SLC4A10: variants seen among roughly 807,000 people sequenced by gnomAD.
SLC4A10 encodes the protein solute carrier family 4 member 10, also known as sodium-driven chloride bicarbonate exchanger.
Under a neutral mutation model 137.7 loss-of-function variants are expected in SLC4A10, and 42 were observed. The observed-to-expected ratio is 0.30, with a 90% CI of 0.24 to 0.39. The LOEUF (loss-of-function observed/expected upper bound fraction) is 0.39, where lower values mean the gene tolerates loss of function less well. Among genes scored for constraint, SLC4A10 ranks in the 10% least tolerant of loss-of-function variants. The pLI, the probability that SLC4A10 is intolerant of heterozygous loss-of-function variation, is 1.00. For synonymous variants in SLC4A10, 474 were observed against 464.1 expected (o/e 1.02, Z -0.27); for missense variants, 925 against 1,355.0 (o/e 0.68, Z 4.98).
intron 3 of SLC4A10, among the ~76,000 whole-genome samples, chr2:161,831,570 A>G (rs2058437803): frequency 6.6e-6 from 1 of 152,092 alleles, no homozygotes; most frequent in Non-Finnish European, 1.5e-5. Flanking sequence ...TTTTCTGGCT[A>G]GACTAATAGT....
intron 15 of SLC4A10, among the ~76,000 whole-genome samples, chr2:161,924,813 T>A (rs943057080): frequency 6.6e-6 from 1 of 152,174 alleles, no homozygotes; most frequent in African/African-American, 2.4e-5. Context: ...TTGTATTCAC[T>A]AACACAGTAT....
At chr2:161,972,464 A>G (rs1698708205) in intron 23 of SLC4A10, among the ~76,000 whole-genome samples, 1 of 152,200 alleles carries the variant, frequency 6.6e-6, no homozygotes, top group Non-Finnish European at 1.5e-5. Flanking sequence ...TGCTTGAATG[A>G]GTAATTTCAA....
chr2:161,716,733 G>A (rs1484892052), intron 1 of SLC4A10, among the ~76,000 whole-genome samples: 1 of 152,156 alleles, frequency 6.6e-6, no homozygotes, highest in Non-Finnish European at 1.5e-5. Context: ...TTGAAGTTGG[G>A]TAGGGTGATG....
At chr2:161,627,397 C>T (rs2105376408) in intron 1 of SLC4A10, among the ~76,000 whole-genome samples, 1 of 151,836 alleles carries the variant, frequency 6.6e-6, no homozygotes, top group East Asian at 1.9e-4. Flanking sequence ...GCATTAAAAG[C>T]CAAGATTAGA....
intron 1 of SLC4A10, among the ~76,000 whole-genome samples, chr2:161,703,078 G>A (rs963219227): frequency 7.3e-5 from 11 of 151,688 alleles, no homozygotes; most frequent in African/African-American, 2.7e-4. Context: ...ATTGGAGACT[G>A]TAAATAGATA....
At chr2:161,735,239 C>T (rs537906443) in intron 1 of SLC4A10, among the ~76,000 whole-genome samples, 1 of 150,458 alleles carries the variant, frequency 6.6e-6, no homozygotes, top group South Asian at 2.1e-4. Context: ...TAATTTTGAA[C>T]TGTTTTATAT....
chr2:161,950,768 G>A lies in SLC4A10; in HGVS notation c.2461G>A (p.Ala821Thr), dbSNP rs1434028625. The A allele has an allele frequency of 1.2e-6, 2 of 1,600,288 alleles. No homozygotes were observed. The highest frequency in any genetic ancestry group is 1.7e-6 in the Non-Finnish European group (2 of 1,172,642). Residue 821 changes from alanine to threonine, a missense_variant, in exon 19 of 27, where the codon GCT becomes ACT. Ala to Thr is a moderately conservative substitution (Grantham distance 58). Transcript: ENST00000446997. The part of the protein sequence containing the change: ...WWTVIAAIIP[A>T]LLCTILIFMD... ...GACAGTAATAGCTGCTATAATTCCA[G>A]CTCTGCTTTGTACTATTCTAATTTT...
chr2:161,827,070 C>T (rs1388890227), intron 3 of SLC4A10, among the ~76,000 whole-genome samples: 3 of 152,134 alleles, frequency 2.0e-5, no homozygotes, highest in African/African-American at 7.2e-5. Context: ...GAAAGGTGTT[C>T]ATTAAATGTT....
chr2:161,748,982 A>C (rs1187206289), intron 1 of SLC4A10, among the ~76,000 whole-genome samples: 1 of 151,958 alleles, frequency 6.6e-6, no homozygotes, highest in East Asian at 1.9e-4. Context: ...TTCAGTGTAC[A>C]GATCTTTTAG....
At chr2:161,683,264 G>A (rs1230799786) in intron 1 of SLC4A10, among the ~76,000 whole-genome samples, 1 of 152,166 alleles carries the variant, frequency 6.6e-6, no homozygotes, top group Non-Finnish European at 1.5e-5. Flanking sequence ...TACAAGGACT[G>A]CGTTTAGTTT....
chr2:161,853,696 T>C (rs2059949292), intron 4 of SLC4A10, among the ~76,000 whole-genome samples: 1 of 151,098 alleles, frequency 6.6e-6, no homozygotes, highest in Non-Finnish European at 1.5e-5. Context: ...TGAAGAGATA[T>C]ACTGTTGGTG....
At chr2:161,964,366 A>G (rs1697226404) in intron 22 of SLC4A10, 58 bp downstream of exon 22, 1 of 1,522,990 alleles carries the variant, frequency 6.6e-7, no homozygotes, top group African/African-American at 1.4e-5. Context: ...CTCTTTGGAA[A>G]CATAAACACA....
At chr2:161,800,141 C>T (rs1363424951) in intron 2 of SLC4A10, among the ~76,000 whole-genome samples, 1 of 151,964 alleles carries the variant, frequency 6.6e-6, no homozygotes. Context: ...CTATTCAGTC[C>T]ACCTTTAATC....
chr2:161,907,256 G>C (rs1353569850), intron 15 of SLC4A10, among the ~76,000 whole-genome samples: 1 of 152,014 alleles, frequency 6.6e-6, no homozygotes, highest in Admixed American at 6.6e-5. Context: ...TTGTAAACAG[G>C]GCTAAGAAAG....
intron 2 of SLC4A10, among the ~76,000 whole-genome samples, chr2:161,794,028 T>C (rs1414140864): frequency 6.6e-6 from 1 of 152,160 alleles, no homozygotes; most frequent in Non-Finnish European, 1.5e-5. Flanking sequence ...ATATTGTTCA[T>C]GAAAACAAAG....
chr2:161,649,596 AT>A (rs1197435611), intron 1 of SLC4A10, among the ~76,000 whole-genome samples: 1 of 151,822 alleles, frequency 6.6e-6, no homozygotes. Flanking sequence ...TTCTAGGTTT[AT>A]TTTATTTTTA....
intron 1 of SLC4A10, among the ~76,000 whole-genome samples, chr2:161,767,094 CATATATATATATATATATATAT>C (rs770704286): frequency 0.021 from 848 of 40,156 alleles, 23 homozygotes; most frequent in African/African-American, 0.052. Flanking sequence ...AATTAAGAAG[CATATATATATATATATATATAT>C]ATATATATAT....
chr2:161,901,736 A>G (rs1683158261), intron 12 of SLC4A10, among the ~76,000 whole-genome samples: 1 of 152,058 alleles, frequency 6.6e-6, no homozygotes, highest in African/African-American at 2.4e-5. Context: ...CCAGTTCCTG[A>G]GCACTCTGCA....
chr2:161,734,009 A>G lies in SLC4A10; in HGVS notation c.49-36964A>G, dbSNP rs532880146. 4.6e-5 allele frequency among the ~76,000 whole-genome samples: 7 copies of G among 152,278 alleles called. No individual in the cohort carries two copies. In the South Asian group the frequency reaches 1.5e-3, roughly 32 times the overall value. ...TGTATTTACCCAATACCTGTACCCC[A>G]TTGTATCTAGGAAGTAACTAGCTTG... is the stretch of plus-strand genomic sequence containing the variant. On this transcript the variant is annotated intron_variant, in intron 1 of 26. Coordinates refer to ENST00000446997, the MANE Select transcript of SLC4A10 (RefSeq NM_001178015.2).
Sources: allele counts gnomAD v4.1 joint callset (sites outside exome capture counted in the v4.1 genomes callset), GRCh38; gene constraint gnomAD v4.1.1; transcripts MANE v1.5; gene names NCBI Gene and HGNC (gene_info 2026-07-23, HGNC 2026-07-21).